CHL1: variants seen among roughly 807,000 people sequenced by gnomAD.
The protein encoded by CHL1 is cell adhesion molecule L1 like.
A neutral mutation model predicts 141.9 loss-of-function variants in CHL1; 96 were observed. That is an observed-to-expected ratio of 0.68 (90% CI 0.57 to 0.80). The LOEUF is 0.80. Among genes scored for constraint, CHL1 ranks in the 30% least tolerant of loss-of-function variants. The pLI, the probability that CHL1 is intolerant of heterozygous loss-of-function variation, is 0.00. For synonymous variants in CHL1, 613 were observed against 502.2 expected, an observed-to-expected ratio of 1.22 and a Z score of -2.95; for missense variants, 1,820 against 1,457.2, an observed-to-expected ratio of 1.25 and a Z score of -4.05.
At chr3:225,953 G>A (rs1701298158) in intron 1 of CHL1, among the ~76,000 whole-genome samples, 1 of 151,626 alleles carries the variant, frequency 6.6e-6, no homozygotes, top group East Asian at 2.0e-4. Flanking sequence ...AGCTTGCAGT[G>A]AGCCGAGATA....
At chr3:315,940 C>G (rs1700122001) in intron 2 of CHL1, among the ~76,000 whole-genome samples, 1 of 152,056 alleles carries the variant, frequency 6.6e-6, no homozygotes, top group Non-Finnish European at 1.5e-5. Flanking sequence ...GAGGAAAAGG[C>G]TGGCCTGCTG....
At chr3:351,202 A>G (rs969246296) in intron 10 of CHL1, among the ~76,000 whole-genome samples, 2 of 152,214 alleles carry the variant, frequency 1.3e-5, no homozygotes, top group Non-Finnish European at 2.9e-5. Flanking sequence ...TCAAAGATGT[A>G]ACATTAATTA....
intron 10 of CHL1, among the ~76,000 whole-genome samples, chr3:351,186 A>G (rs1575138020): frequency 6.6e-6 from 1 of 152,326 alleles, no homozygotes. Flanking sequence ...GTTGCAAAAA[A>G]CGAAATCAAA....
chr3:232,325 C>T (rs756902835), intron 1 of CHL1, among the ~76,000 whole-genome samples: 2 of 152,106 alleles, frequency 1.3e-5, no homozygotes, highest in Non-Finnish European at 2.9e-5. Context: ...ATTTCATTTT[C>T]ATTAACAATA....
intron 2 of CHL1, among the ~76,000 whole-genome samples, chr3:294,064 T>A (rs1188516030): frequency 1.3e-5 from 2 of 151,956 alleles, no homozygotes; most frequent in African/African-American, 4.8e-5. Context: ...CACACCTGTG[T>A]TCTAAGCACT....
chr3:390,623 T>A, intron 20 of CHL1, 78 bp from the exon 21 acceptor site: 1 of 816,998 alleles, frequency 1.2e-6, no homozygotes, highest in Non-Finnish European at 2.1e-6. Flanking sequence ...GAAGAAACAT[T>A]ATGAAAATTT....
At chr3:339,079 C>A (rs1425765486) in intron 5 of CHL1, among the ~76,000 whole-genome samples, 1 of 151,988 alleles carries the variant, frequency 6.6e-6, no homozygotes, top group Admixed American at 6.6e-5. Context: ...ATTTTATTTC[C>A]TCTGCTGCCT....
At position 255,277 on chromosome 3, in the gene CHL1, T is replaced by C. The variant is rs139664752; in HGVS notation, c.-95+10585T>C. On this transcript the variant is annotated intron_variant, in intron 2 of 27. Coordinates refer to ENST00000256509, the MANE Select transcript of CHL1 (RefSeq NM_006614.4). ...GTTAAAAAGTCTCTTTCTTATTCAC[T>C]GAAATGACTGGAGTCCCAGCTGCTA... is the stretch of plus-strand genomic sequence containing the variant. Among the ~76,000 whole-genome samples the C allele has an allele frequency of 3.8e-3, 582 of 152,302 alleles. 3 individuals are homozygous for C. The highest frequency in any genetic ancestry group is 0.013 in the African/African-American group (555 of 41,578).
chr3:374,489 C>T (rs913556492), intron 15 of CHL1, among the ~76,000 whole-genome samples: 1 of 152,158 alleles, frequency 6.6e-6, no homozygotes, highest in African/African-American at 2.4e-5. Context: ...GGTAATATGA[C>T]ATGGACATTT....
chr3:308,353 C>T (rs1376663948), intron 2 of CHL1, among the ~76,000 whole-genome samples: 1 of 152,028 alleles, frequency 6.6e-6, no homozygotes, highest in Non-Finnish European at 1.5e-5. Flanking sequence ...GTACAGTCTC[C>T]TACAAATATG....
At chr3:284,149 C>T (rs929067570) in intron 2 of CHL1, among the ~76,000 whole-genome samples, 10 of 151,972 alleles carry the variant, frequency 6.6e-5, no homozygotes, top group African/African-American at 1.9e-4. Flanking sequence ...GATAAAACAA[C>T]GAAACAAAAG....
intron 15 of CHL1, among the ~76,000 whole-genome samples, chr3:367,454 T>G (rs902833434): frequency 6.6e-6 from 1 of 152,206 alleles, no homozygotes; most frequent in African/African-American, 2.4e-5. Context: ...AACATCTTTG[T>G]GCTTTAGTTT....
intron 2 of CHL1, among the ~76,000 whole-genome samples, chr3:285,733 A>G (rs962899896): frequency 2.6e-5 from 4 of 152,234 alleles, no homozygotes; most frequent in Non-Finnish European, 5.9e-5. Flanking sequence ...CTAATGCTCA[A>G]TAAATCATAA....
At chr3:239,400 C>A (rs547882280) in intron 1 of CHL1, among the ~76,000 whole-genome samples, 1 of 152,264 alleles carries the variant, frequency 6.6e-6, no homozygotes, top group Non-Finnish European at 1.5e-5. Flanking sequence ...CGTTTTCAGT[C>A]TGTCTGTCCC....
chr3:342,989 C>T lies in CHL1; in HGVS notation c.685C>T (p.His229Tyr). 5.0e-6 allele frequency: 8 copies of T among 1,607,516 alleles called. No homozygotes were observed. Among genetic ancestry groups the T allele is most frequent in the Non-Finnish European group, 6.8e-6 (8 of 1,177,598 alleles). ...CTTCCGTTTTTTTATTTCAGTAAAG[C>T]ATGCTAATGACTCAAGTTCATCCAC... ...PMKLTVNSLKHANDSSSSTEI... is the reference protein window; with the variant it reads ...PMKLTVNSLKYANDSSSSTEI... The change falls in exon 8 of 28, where the codon CAT (histidine) becomes TAT (tyrosine). Residue 229 changes from histidine to tyrosine, a missense_variant. Physicochemically the swap from His to Tyr is moderately conservative, Grantham distance 83 (BLOSUM62 2). Transcript: ENST00000256509.
chr3:219,196 A>G (rs918445698), intron 1 of CHL1, among the ~76,000 whole-genome samples: 3 of 151,964 alleles, frequency 2.0e-5, no homozygotes, highest in Non-Finnish European at 2.9e-5. Flanking sequence ...TTGTGTGGAG[A>G]AAAAGGAAGA....
chr3:286,610 C>CAA (rs537257607), intron 2 of CHL1, among the ~76,000 whole-genome samples: 34,497 of 111,680 alleles, frequency 0.31, 4,762 homozygotes, highest in South Asian at 0.52. Flanking sequence ...GACTTTGTCT[C>CAA]AAAAAAAAAA....
intron 2 of CHL1, among the ~76,000 whole-genome samples, chr3:282,978 C>A (rs902941653): frequency 1.6e-4 from 24 of 152,168 alleles, no homozygotes; most frequent in Admixed American, 1.3e-4. Context: ...AAAAGCCCTG[C>A]TTTTGGGGCA....
At chr3:287,888 C>T (rs1384831198) in intron 2 of CHL1, among the ~76,000 whole-genome samples, 3 of 152,108 alleles carry the variant, frequency 2.0e-5, no homozygotes, top group Non-Finnish European at 4.4e-5. Context: ...GCCTCAGCCT[C>T]CCGAGTAGCT....
Sources: allele counts gnomAD v4.1 joint callset (sites outside exome capture counted in the v4.1 genomes callset), GRCh38; gene constraint gnomAD v4.1.1; transcripts MANE v1.5; gene names NCBI Gene and HGNC (gene_info 2026-07-23, HGNC 2026-07-21).